Variants in ZNF469 observed in about 807,000 individuals in gnomAD.
ZNF469 encodes zinc finger protein 469.
Under a neutral mutation model 1.0 loss-of-function variants are expected in ZNF469, and 1 was observed. The observed-to-expected ratio is 1.00, with a 90% CI of 0.35 to 4.73. The LOEUF is 4.73. Ranked by LOEUF, ZNF469 falls within the 30% of genes most tolerant of loss-of-function variation. ZNF469 has a pLI of 0.16. For synonymous variants in ZNF469, 2,703 were observed against 2,363.4 expected, an observed-to-expected ratio of 1.14 and a Z score of -4.17; for missense variants, 6,100 against 5,356.3, an observed-to-expected ratio of 1.14 and a Z score of -4.33.
the ZNF469 span, among the ~76,000 whole-genome samples, chr16:88,275,218 G>A: frequency 1.3e-5 from 2 of 152,186 alleles, no homozygotes; most frequent in Non-Finnish European, 1.5e-5. Context: ...CAGTCCGAAC[G>A]ATCCTACATA....
At chr16:88,200,880 C>T in the ZNF469 span, among the ~76,000 whole-genome samples, 2 of 152,266 alleles carry the variant, frequency 1.3e-5, no homozygotes, top group Non-Finnish European at 2.9e-5. Context: ...CGCGTTCCTC[C>T]GGCCGCCCCC....
At chr16:88,310,844 A>G in the ZNF469 span, among the ~76,000 whole-genome samples, 1 of 152,162 alleles carries the variant, frequency 6.6e-6, no homozygotes, top group Admixed American at 6.5e-5. Context: ...TTAGATTTAC[A>G]GAAAAATCGA....
At chr16:88,138,525 A>G in the ZNF469 span, among the ~76,000 whole-genome samples, 1 of 152,248 alleles carries the variant, frequency 6.6e-6, no homozygotes, top group African/African-American at 2.4e-5. Context: ...CATCTTTTTA[A>G]AAGGAATCTG....
the ZNF469 span, among the ~76,000 whole-genome samples, chr16:88,140,686 C>G: frequency 2.8e-4 from 43 of 152,324 alleles, no homozygotes; most frequent in African/African-American, 9.9e-4. Flanking sequence ...AATCCCAGCA[C>G]TTTGGGAAGC....
At chr16:88,142,045 C>T in the ZNF469 span, among the ~76,000 whole-genome samples, 1 of 152,206 alleles carries the variant, frequency 6.6e-6, no homozygotes, top group Non-Finnish European at 1.5e-5. Context: ...GAGCTGAGCT[C>T]GAGATGCCTG....
the ZNF469 span, among the ~76,000 whole-genome samples, chr16:88,310,413 C>G: frequency 9.0e-6 from 1 of 111,404 alleles, no homozygotes; most frequent in Non-Finnish European, 2.2e-5. Context: ...TCACATCTCA[C>G]AAGTCACACA....
chr16:88,276,123 T>C, the ZNF469 span, among the ~76,000 whole-genome samples: 5 of 152,112 alleles, frequency 3.3e-5, no homozygotes, highest in Non-Finnish European at 7.4e-5. Flanking sequence ...AACAGAGTGA[T>C]CCAGACTTAG....
At chr16:88,280,613 C>T in the ZNF469 span, among the ~76,000 whole-genome samples, 16 of 150,770 alleles carry the variant, frequency 1.1e-4, no homozygotes, top group South Asian at 8.4e-4. Context: ...GCCACACCAA[C>T]GCTTGGTCAG....
At chr16:88,240,955 C>T in the ZNF469 span, among the ~76,000 whole-genome samples, 1,203 of 152,210 alleles carry the variant, frequency 7.9e-3, 16 homozygotes, top group African/African-American at 0.028. Context: ...AGGGGCTGGG[C>T]GGAAACCCCA....
the ZNF469 span, among the ~76,000 whole-genome samples, chr16:88,347,463 C>T: frequency 6.6e-6 from 1 of 152,184 alleles, no homozygotes; most frequent in African/African-American, 2.4e-5. Flanking sequence ...ACAGTGTCGC[C>T]AAGCCCAGGA....
the ZNF469 span, among the ~76,000 whole-genome samples, chr16:88,246,916 TGAA>T: frequency 6.7e-6 from 1 of 150,294 alleles, no homozygotes; most frequent in Non-Finnish European, 1.5e-5. Flanking sequence ...AGTCAATCAG[TGAA>T]GGAGTGAGTG....
At chr16:88,389,977 C>G (rs4075520) in intron 1 of ZNF469, among the ~76,000 whole-genome samples, 106,432 of 152,098 alleles carry the variant, frequency 0.7, 38,430 homozygotes, top group African/African-American at 0.88. Context: ...GGTCGGCCTG[C>G]GGAGGGCCCC....
At chr16:88,165,302 C>A in the ZNF469 span, among the ~76,000 whole-genome samples, 3 of 152,370 alleles carry the variant, frequency 2.0e-5, no homozygotes, top group South Asian at 6.2e-4. Flanking sequence ...CTCACGCCAC[C>A]CCGGGTAGCC....
rs1905919538 is a variant in ZNF469, at chr16:88,429,006, G to A, written c.1536G>A (p.Glu512=). The A allele has an allele frequency of 4.5e-6, 7 of 1,549,514 alleles. No individual in the cohort carries two copies. The South Asian group carries it at 5.9e-5, about 13-fold the overall frequency. ...SRLPFPAGGP[E]WQGGSQGALG... ...TGCCTTTCCCCGCGGGGGGCCCCGA[G>A]TGGCAGGGGGGCAGCCAAGGAGCCC... Residue 512 remains glutamate, a synonymous_variant, in exon 3 of 3, where the codon GAG becomes GAA. Coordinates refer to ENST00000565624, the MANE Select transcript of ZNF469 (RefSeq NM_001367624.2).
the ZNF469 span, among the ~76,000 whole-genome samples, chr16:88,292,585 T>TAA: frequency 6.6e-6 from 1 of 151,828 alleles, no homozygotes; most frequent in Non-Finnish European, 1.5e-5. Flanking sequence ...CTCGTACAGC[T>TAA]AAGTCGGGTG....
the ZNF469 span, among the ~76,000 whole-genome samples, chr16:88,106,526 T>A: frequency 2.0e-5 from 3 of 152,356 alleles, no homozygotes; most frequent in Admixed American, 2.0e-4. Context: ...AGGGCAAATG[T>A]GAACAGAGAA....
the ZNF469 span, among the ~76,000 whole-genome samples, chr16:88,296,404 G>C: frequency 2.0e-5 from 3 of 150,904 alleles, no homozygotes. Context: ...AGACACATAT[G>C]TGCACACCCA....
In ZNF469 at chr16:88,429,340, C is replaced by T; in HGVS notation, c.1870C>T (p.Gln624Ter). 6.5e-7 allele frequency: 1 copy of T among 1,549,950 alleles called. No individual in the cohort carries two copies. Among genetic ancestry groups the T allele is most frequent in the Non-Finnish European group, 8.7e-7 (1 of 1,146,848 alleles). The part of the protein sequence containing the change: ...SPANPSSEES[Q>*]LPGPLGPSAF... ...AGCCAACCCCAGCTCAGAGGAAAGC[C>T]AGCTCCCCGGCCCCCTCGGGCCCTC... The change falls in exon 3 of 3, where the codon CAG (glutamine) becomes TAG (stop). Residue 624 changes from glutamine to a stop codon, truncating the protein, a stop_gained. Transcript: ENST00000565624. LOFTEE classifies it low-confidence loss of function (END_TRUNC).
the ZNF469 span, among the ~76,000 whole-genome samples, chr16:88,151,631 G>C: frequency 9.5e-4 from 145 of 152,300 alleles, no homozygotes; most frequent in African/African-American, 3.1e-3. The surrounding 1 kb of genome is among the most constrained non-coding windows in gnomAD (Gnocchi z 5.4). Context: ...TGGATTGGTA[G>C]GCACCATTAG....
Sources: allele counts gnomAD v4.1 joint callset (sites outside exome capture counted in the v4.1 genomes callset), GRCh38; gene constraint gnomAD v4.1.1; non-coding constraint Gnocchi (gnomAD v3.1); transcripts MANE v1.5; gene names NCBI Gene and HGNC (gene_info 2026-07-23, HGNC 2026-07-21).